The following PKIB variants were observed in gnomAD, a reference collection of about 807,000 sequenced individuals.
The protein encoded by PKIB is PKI-beta.
PKIB carries 2 observed loss-of-function variants against 4.5 expected under a neutral mutation model. That is an observed-to-expected ratio of 0.44 (90% CI 0.18 to 1.39). The LOEUF (loss-of-function observed/expected upper bound fraction) is 1.39. PKIB is among the 40% of genes most tolerant of loss of function. The pLI, the probability that PKIB is intolerant of heterozygous loss-of-function variation, is 0.27. For synonymous variants in PKIB, 38 were observed against 36.0 expected (o/e 1.06, Z -0.20); for missense variants, 94 against 92.6 (o/e 1.02, Z -0.06).
chr6:122,561,995 TTTTTTTTTG>T (rs1562252035), intron 2 of PKIB, among the ~76,000 whole-genome samples: 3 of 73,290 alleles, frequency 4.1e-5, no homozygotes, highest in East Asian at 6.3e-4. Context: ...TTTGTTTTTG[TTTTTTTTTG>T]TTTTTTTTTT....
chr6:122,686,044 A>C (rs1778080588), intron 3 of PKIB, among the ~76,000 whole-genome samples: 1 of 152,104 alleles, frequency 6.6e-6, no homozygotes, highest in Non-Finnish European at 1.5e-5. Context: ...CATTTTCTTT[A>C]TCCATTCATC....
chr6:122,689,128 C>T (rs1277394730), intron 3 of PKIB, among the ~76,000 whole-genome samples: 1 of 152,018 alleles, frequency 6.6e-6, no homozygotes, highest in East Asian at 1.9e-4. Context: ...CCTTTTTCAT[C>T]TCTAATTCTA....
chr6:122,655,062 AT>A (rs1185303329), intron 2 of PKIB, among the ~76,000 whole-genome samples: 1 of 152,132 alleles, frequency 6.6e-6, no homozygotes, highest in Non-Finnish European at 1.5e-5. Context: ...ATCTCAGCCC[AT>A]TGCAACCTCC....
chr6:122,589,799 A>G (rs1045632263), intron 3 of PKIB, among the ~76,000 whole-genome samples: 1 of 152,182 alleles, frequency 6.6e-6, no homozygotes, highest in Non-Finnish European at 1.5e-5. Context: ...GGGGGCAGCA[A>G]TGAAAGAAGA....
chr6:122,679,107 A>C (rs997395916), intron 3 of PKIB, among the ~76,000 whole-genome samples: 1 of 152,294 alleles, frequency 6.6e-6, no homozygotes, highest in East Asian at 1.9e-4. Flanking sequence ...CATCCCAAAC[A>C]AGGTGTTATG....
At chr6:122,595,127 G>A (rs374170279) in intron 3 of PKIB, among the ~76,000 whole-genome samples, 2 of 152,208 alleles carry the variant, frequency 1.3e-5, no homozygotes, top group African/African-American at 4.8e-5. Flanking sequence ...ATCACTAGGG[G>A]TGATGGCGAG....
At chr6:122,477,324 T>C (rs1275950159) in intron 1 of PKIB, among the ~76,000 whole-genome samples, 1 of 152,190 alleles carries the variant, frequency 6.6e-6, no homozygotes, top group Admixed American at 6.5e-5. Context: ...ATATTTTTCT[T>C]TGTATAAGTT....
intron 2 of PKIB, among the ~76,000 whole-genome samples, chr6:122,539,918 A>G (rs1173838341): frequency 1.3e-5 from 2 of 152,020 alleles, no homozygotes; most frequent in African/African-American, 4.8e-5. Context: ...GGGAGGGTGT[A>G]TGTGTTAAGG....
chr6:122,553,047 T>C (rs1037220553), intron 2 of PKIB, among the ~76,000 whole-genome samples: 7 of 152,118 alleles, frequency 4.6e-5, no homozygotes, highest in African/African-American at 1.7e-4. Context: ...TTCTTTATTA[T>C]AAACTCTCCC....
chr6:122,669,635 CT>C (rs902458497), intron 2 of PKIB, among the ~76,000 whole-genome samples: 7 of 151,950 alleles, frequency 4.6e-5, no homozygotes, highest in Non-Finnish European at 1.0e-4. Context: ...CAAATTTTTC[CT>C]TTTGTCTGAG....
chr6:122,702,240 G>A (rs1004858365), intron 3 of PKIB, among the ~76,000 whole-genome samples: 6 of 151,748 alleles, frequency 4.0e-5, no homozygotes, highest in Non-Finnish European at 8.8e-5. Context: ...ATCTGGTATT[G>A]CCCCAGCAGA....
intron 3 of PKIB, among the ~76,000 whole-genome samples, chr6:122,691,120 T>C (rs953039902): frequency 2.0e-5 from 3 of 151,990 alleles, no homozygotes; most frequent in Non-Finnish European, 2.9e-5. Context: ...GTTCTTTCTT[T>C]ATCCTTGACC....
chr6:122,543,386 CAG>C (rs1419963688), intron 2 of PKIB, among the ~76,000 whole-genome samples: 1 of 135,088 alleles, frequency 7.4e-6, no homozygotes, highest in African/African-American at 2.8e-5. Flanking sequence ...TGTTTTTAGA[CAG>C]AGTTTCACTC....
intron 3 of PKIB, among the ~76,000 whole-genome samples, chr6:122,601,686 ATAG>A (rs777845389): frequency 6.6e-6 from 1 of 152,178 alleles, no homozygotes; most frequent in Admixed American, 6.5e-5. Flanking sequence ...CACTTAATAT[ATAG>A]TATATATATT....
At chr6:122,548,749 T>G (rs1350739310) in intron 2 of PKIB, among the ~76,000 whole-genome samples, 1 of 151,768 alleles carries the variant, frequency 6.6e-6, no homozygotes, top group African/African-American at 2.4e-5. Context: ...GTACAATTAA[T>G]AATAGCATTT....
At chr6:122,689,165 C>T (rs1482668600) in intron 3 of PKIB, among the ~76,000 whole-genome samples, 1 of 151,802 alleles carries the variant, frequency 6.6e-6, no homozygotes, top group African/African-American at 2.4e-5. Flanking sequence ...CTCTTTTTTT[C>T]TTAGTCTGGC....
At chr6:122,510,750 A>G (rs1430075645) in intron 2 of PKIB, among the ~76,000 whole-genome samples, 1 of 152,020 alleles carries the variant, frequency 6.6e-6, no homozygotes, top group African/African-American at 2.4e-5. Context: ...ATTTTTCCTT[A>G]GGGAGCAGCC....
Position 122,501,552 on chromosome 6 carries a change from G to A in PKIB, c.-248+23613G>A, listed in dbSNP as rs115675243. ...CTTACAGTGTTTGAAACAATGGCTC[G>A]AGCATTACTTTGGCCCCTTTTAGCG... On this transcript the variant is annotated intron_variant, in intron 2 of 6. Coordinates refer to the PKIB transcript ENST00000392491. Among the ~76,000 whole-genome samples the A allele has an allele frequency of 4.8e-3, 735 of 152,280 alleles. 5 individuals are homozygous for A. The highest frequency in any genetic ancestry group is 0.017 in the African/African-American group (693 of 41,554).
intron 4 of PKIB, among the ~76,000 whole-genome samples, chr6:122,721,669 CTATT>C (rs2115090169): frequency 6.6e-6 from 1 of 152,140 alleles, no homozygotes; most frequent in African/African-American, 2.4e-5. Context: ...AAAAAATAGA[CTATT>C]ATATCTGATT....
Sources: gnomAD v4.1 joint callset for allele counts (sites outside exome capture counted in the v4.1 genomes callset) on GRCh38, gnomAD v4.1.1 for gene constraint, MANE v1.5 for transcripts, NCBI Gene and HGNC (gene_info 2026-07-23, HGNC 2026-07-21) for gene names.